TAOK1: variants seen among roughly 807,000 people sequenced by gnomAD.
TAOK1 encodes serine/threonine-protein kinase TAO1.
A neutral mutation model predicts 138.3 loss-of-function variants in TAOK1; 21 were observed. The ratio of observed to expected loss-of-function variants is 0.15; its 90% CI spans 0.11 to 0.22. The LOEUF (loss-of-function observed/expected upper bound fraction) is 0.22, where lower values mean the gene tolerates loss of function less well. Ranked by LOEUF, TAOK1 falls within the 10% of genes least tolerant of loss-of-function variation. The pLI is 1.00. For missense variants in TAOK1, 651 were observed against 1,227.7 expected (o/e 0.53, Z 7.02); for synonymous variants, 361 against 398.4 (o/e 0.91, Z 1.12).
At chr17:29,531,658 G>C (rs1031581024) in intron 18 of TAOK1, among the ~76,000 whole-genome samples, 4 of 151,624 alleles carry the variant, frequency 2.6e-5, no homozygotes, top group African/African-American at 9.7e-5. Flanking sequence ...AGCTACTCTG[G>C]AGGCGGAGGC....
intron 17 of TAOK1, among the ~76,000 whole-genome samples, chr17:29,526,819 T>TAAAAAAAAAAAAAAA (rs71138830): frequency 2.0e-5 from 1 of 50,946 alleles, no homozygotes; most frequent in Non-Finnish European, 3.5e-5. Context: ...TCTCATCTCT[T>TAAAAAAAAAAAAAAA]AAAAAAAAAA....
At chr17:29,526,836 A>T (rs2032019488) in intron 17 of TAOK1, among the ~76,000 whole-genome samples, 1 of 149,648 alleles carries the variant, frequency 6.7e-6, no homozygotes, top group South Asian at 2.1e-4. Context: ...AAAAAAAAAA[A>T]AAAAAAAAAA....
chr17:29,466,218 A>G (rs1197521185), intron 2 of TAOK1, among the ~76,000 whole-genome samples: 1 of 152,136 alleles, frequency 6.6e-6, no homozygotes, highest in Non-Finnish European at 1.5e-5. Context: ...GTCATGGCTC[A>G]CTGCAGTCTC....
At chr17:29,530,856 AG>A in intron 18 of TAOK1, 1 of 543,628 alleles carries the variant, frequency 1.8e-6, no homozygotes, top group Non-Finnish European at 3.3e-6. Flanking sequence ...CTGCCAGCAC[AG>A]ATCCTAACAC....
intron 18 of TAOK1, chr17:29,530,830 G>A (rs2032088090): frequency 3.5e-6 from 2 of 579,024 alleles, no homozygotes; most frequent in South Asian, 2.0e-5. Flanking sequence ...TAGACATGAG[G>A]TTCTAAATAG....
At chr17:29,493,920 T>A (rs2031357832) in intron 10 of TAOK1, among the ~76,000 whole-genome samples, 1 of 150,854 alleles carries the variant, frequency 6.6e-6, no homozygotes, top group African/African-American at 2.4e-5. Flanking sequence ...TAATAATTAT[T>A]TTTTTTTTGT....
intron 8 of TAOK1, among the ~76,000 whole-genome samples, chr17:29,488,120 C>A (rs2031210228): frequency 6.6e-6 from 1 of 152,144 alleles, no homozygotes; most frequent in Non-Finnish European, 1.5e-5. Context: ...TCCAGAACCC[C>A]CTCAGATAAC....
At chr17:29,539,783 G>A (rs967579177) in intron 19 of TAOK1, among the ~76,000 whole-genome samples, 8 of 152,122 alleles carry the variant, frequency 5.3e-5, no homozygotes. Context: ...AGGAGGATAA[G>A]GTGGGAGGAT....
At chr17:29,440,449 A>G (rs1440577816) in intron 1 of TAOK1, among the ~76,000 whole-genome samples, 1 of 152,202 alleles carries the variant, frequency 6.6e-6, no homozygotes, top group Non-Finnish European at 1.5e-5. Flanking sequence ...GAAAGCATGG[A>G]AAAGTAGAGG....
At chr17:29,402,531 C>T (rs1375444883) in intron 1 of TAOK1, among the ~76,000 whole-genome samples, 1 of 152,086 alleles carries the variant, frequency 6.6e-6, no homozygotes, top group Non-Finnish European at 1.5e-5. Flanking sequence ...TCTCGAACTC[C>T]TGAGCTCAAG....
intron 10 of TAOK1, among the ~76,000 whole-genome samples, chr17:29,494,825 C>CA (rs368548444): frequency 0.048 from 2,171 of 44,956 alleles, 38 homozygotes; most frequent in South Asian, 0.059. Context: ...GACTCCGTCT[C>CA]AAAAAAAAAA....
At chr17:29,475,137 C>T (rs1598497192) in intron 3 of TAOK1, among the ~76,000 whole-genome samples, 1 of 152,250 alleles carries the variant, frequency 6.6e-6, no homozygotes, top group East Asian at 1.9e-4. Flanking sequence ...GACACGGTTT[C>T]ACCATGTTGG....
At chr17:29,411,253 G>T (rs1028217727) in intron 1 of TAOK1, among the ~76,000 whole-genome samples, 1 of 150,618 alleles carries the variant, frequency 6.6e-6, no homozygotes, top group African/African-American at 2.4e-5. Context: ...CACTACGCCC[G>T]GCTAATTTTT....
intron 18 of TAOK1, among the ~76,000 whole-genome samples, chr17:29,531,866 T>C (rs902546118): frequency 6.6e-6 from 1 of 150,766 alleles, no homozygotes; most frequent in South Asian, 2.1e-4. Context: ...CCCTTTCTTT[T>C]TTTTTTTTTT....
At chr17:29,424,280 CA>C (rs1321578731) in intron 1 of TAOK1, among the ~76,000 whole-genome samples, 1 of 149,174 alleles carries the variant, frequency 6.7e-6, no homozygotes, top group Non-Finnish European at 1.5e-5. Context: ...ACTAAAAATA[CA>C]AAAAAATTAG....
chr17:29,489,233 C>A (rs147871186), intron 8 of TAOK1, among the ~76,000 whole-genome samples: 2 of 152,304 alleles, frequency 1.3e-5, no homozygotes, highest in Non-Finnish European at 2.9e-5. Context: ...TGCAGTGGCT[C>A]ACACCTGTAA....
chr17:29,399,137 C>G (rs1904758655), intron 1 of TAOK1, among the ~76,000 whole-genome samples: 1 of 151,888 alleles, frequency 6.6e-6, no homozygotes. Flanking sequence ...CAGGCAAATG[C>G]CACTGCCTGG....
chr17:29,456,262 C>T (rs1378231118), intron 2 of TAOK1, among the ~76,000 whole-genome samples: 1 of 149,760 alleles, frequency 6.7e-6, no homozygotes, highest in East Asian at 1.9e-4. Flanking sequence ...GCATGAGAAT[C>T]GCTTGAACCC....
chr17:29,521,804 G>A (rs2031925072), intron 16 of TAOK1, among the ~76,000 whole-genome samples: 2 of 152,154 alleles, frequency 1.3e-5, no homozygotes, highest in Non-Finnish European at 2.9e-5. Flanking sequence ...GGATGGTCTC[G>A]ATCTCCTGAC....
Sources: allele counts gnomAD v4.1 joint callset (sites outside exome capture counted in the v4.1 genomes callset), GRCh38; gene constraint gnomAD v4.1.1; transcripts MANE v1.5; gene names NCBI Gene and HGNC (gene_info 2026-07-23, HGNC 2026-07-21).